Variants in GSG1L observed in about 807,000 individuals in gnomAD.
GSG1L encodes germ cell-specific gene 1-like protein.
A neutral mutation model predicts 42.1 loss-of-function variants in GSG1L; 24 were observed. The observed-to-expected ratio is 0.57, with a 90% CI of 0.41 to 0.80. The LOEUF is 0.80. Among genes scored for constraint, GSG1L ranks in the 30% least tolerant of loss-of-function variants. The pLI is 0.00. For missense variants in GSG1L, 445 were observed against 472.2 expected (o/e 0.94, Z 0.53); for synonymous variants, 215 against 203.5 (o/e 1.06, Z -0.48).
At chr16:28,001,358 C>T (rs143230577) in intron 1 of GSG1L, among the ~76,000 whole-genome samples, 1 of 152,324 alleles carries the variant, frequency 6.6e-6, no homozygotes, top group Admixed American at 6.5e-5. Flanking sequence ...TTGACAACAG[C>T]GTGTGCCCAC....
rs1461122057 is a variant in GSG1L at position 27,946,575 on chromosome 16, AAGAAAGAGAG to A, written c.397+16571_397+16580del. Among the ~76,000 whole-genome samples, 184 of 25,166 alleles carry A rather than the reference AAGAAAGAGAG, an allele frequency of 7.3e-3. 1 individual carries two copies. The highest frequency in any genetic ancestry group is 0.011 in the African/African-American group (86 of 8,024). 16.5% of individuals were successfully genotyped at this position (25,166 alleles called of 152,430 possible). A position where few individuals can be genotyped will look rare whatever the true frequency, so the allele number is the denominator to read the frequency against. On this transcript the variant is annotated intron_variant, in intron 2 of 6. Transcript: ENST00000447459. The stretch of plus-strand genomic sequence containing the variant: ...AAAGAAAGAAAGAAAGAAAGAAAGA[AAGAAAGAGAG>A]AGAGAGAGAGAGAGAGAGAGAGAGA...
At chr16:27,971,822 C>A (rs1464872130) in intron 1 of GSG1L, among the ~76,000 whole-genome samples, 1 of 152,118 alleles carries the variant, frequency 6.6e-6, no homozygotes, top group Non-Finnish European at 1.5e-5. Flanking sequence ...AAGTTCCCTT[C>A]TATTCCTACT....
chr16:28,057,190 G>C (rs1265827155), intron 1 of GSG1L, among the ~76,000 whole-genome samples: 2 of 152,150 alleles, frequency 1.3e-5, no homozygotes, highest in African/African-American at 4.8e-5. Flanking sequence ...GTCCGGAGTG[G>C]GGAACGGGGG....
chr16:27,970,526 C>G (rs1029969310), intron 1 of GSG1L, among the ~76,000 whole-genome samples: 1 of 151,578 alleles, frequency 6.6e-6, no homozygotes, highest in Non-Finnish European at 1.5e-5. Flanking sequence ...GAGCCAAGAC[C>G]ACGCCATTGC....
At chr16:27,956,617 A>G (rs192054716) in intron 2 of GSG1L, among the ~76,000 whole-genome samples, 21 of 152,290 alleles carry the variant, frequency 1.4e-4, no homozygotes, top group African/African-American at 4.8e-4. Flanking sequence ...AAGGTTTAAA[A>G]TGTGCTTGTG....
chr16:27,990,415 C>T (rs940031887), intron 1 of GSG1L, among the ~76,000 whole-genome samples: 5 of 152,096 alleles, frequency 3.3e-5, no homozygotes, highest in Admixed American at 2.0e-4. Flanking sequence ...TGCCACTGGA[C>T]ACATTGGAAA....
At chr16:27,913,952 C>A (rs1433382658) in intron 2 of GSG1L, among the ~76,000 whole-genome samples, 1 of 150,294 alleles carries the variant, frequency 6.7e-6, no homozygotes, top group Non-Finnish European at 1.5e-5. Context: ...TCACCACCAG[C>A]AATAACTGGT....
At chr16:27,951,131 C>T (rs1469522801) in intron 2 of GSG1L, among the ~76,000 whole-genome samples, 8 of 152,176 alleles carry the variant, frequency 5.3e-5, no homozygotes, top group Non-Finnish European at 8.8e-5. Flanking sequence ...CTCCTGAAAG[C>T]GAGGTTGCAG....
chr16:27,964,324 A>T (rs111268251), intron 1 of GSG1L, among the ~76,000 whole-genome samples: 17 of 41,340 alleles, frequency 4.1e-4, no homozygotes, highest in Admixed American at 3.5e-3. Context: ...ACTCTGTCTC[A>T]AAAAAAAAAA....
intron 2 of GSG1L, among the ~76,000 whole-genome samples, chr16:27,897,863 G>A (rs971327584): frequency 1.3e-5 from 2 of 152,192 alleles, no homozygotes; most frequent in Non-Finnish European, 2.9e-5. Flanking sequence ...AGGATTTTCT[G>A]GGCAACTTTA....
At chr16:27,855,719 CAAAAA>C (rs397686463) in intron 3 of GSG1L, among the ~76,000 whole-genome samples, 1 of 61,722 alleles carries the variant, frequency 1.6e-5, no homozygotes, top group Admixed American at 1.7e-4. Flanking sequence ...GACTCAGTCT[CAAAAA>C]AAAAAAAAAA....
rs1347412615 is a variant in GSG1L, at chr16:27,884,437, C to T, written c.550+49G>A. The T allele has an allele frequency of 1.3e-6, 2 of 1,563,370 alleles. No homozygotes were observed. Among genetic ancestry groups the T allele is most frequent in the African/African-American group, 2.7e-5 (2 of 74,024 alleles). ...ACCAGGGCTTACTCCAAGGGCAGCA[C>T]CCTTTCTCGCCTGTGCTCTGAGAGG... On this transcript the variant is annotated intron_variant, in intron 3 of 6. Transcript: ENST00000447459. The surrounding 1 kb of genome is among the most constrained non-coding windows in gnomAD (Gnocchi z 4.4).
chr16:27,948,986 T>C (rs935516855), intron 2 of GSG1L, among the ~76,000 whole-genome samples: 1 of 151,204 alleles, frequency 6.6e-6, no homozygotes, highest in African/African-American at 2.4e-5. Context: ...GGCTCAATCA[T>C]GGCTCACTAC....
chr16:27,931,175 C>T (rs148845893), intron 2 of GSG1L, among the ~76,000 whole-genome samples: 3 of 152,266 alleles, frequency 2.0e-5, no homozygotes, highest in East Asian at 1.9e-4. Flanking sequence ...TCGGGCTCTT[C>T]GTGGGGCCAA....
intron 2 of GSG1L, among the ~76,000 whole-genome samples, chr16:27,959,526 G>A (rs1232950303): frequency 6.8e-6 from 1 of 146,482 alleles, no homozygotes; most frequent in Non-Finnish European, 1.5e-5. Context: ...GGGAAGGGGA[G>A]GGGAGGGAAG....
At chr16:27,799,993 C>T (rs1317316487) in intron 6 of GSG1L, among the ~76,000 whole-genome samples, 5 of 152,094 alleles carry the variant, frequency 3.3e-5, no homozygotes, top group Admixed American at 1.3e-4. Context: ...CTGGGTCCCC[C>T]GCCAGACCTC....
chr16:28,009,750 G>A (rs946328696), intron 1 of GSG1L, among the ~76,000 whole-genome samples: 8 of 152,184 alleles, frequency 5.3e-5, no homozygotes, highest in Non-Finnish European at 1.0e-4. Flanking sequence ...CCCACAGTGG[G>A]TGACCCTGAG....
At chr16:27,918,191 G>A (rs553692201) in intron 2 of GSG1L, among the ~76,000 whole-genome samples, 1 of 152,166 alleles carries the variant, frequency 6.6e-6, no homozygotes, top group Non-Finnish European at 1.5e-5. Flanking sequence ...AGGGGAATGT[G>A]ATGCTTTGAC....
At chr16:27,837,482 C>T (rs1163887020) in intron 4 of GSG1L, among the ~76,000 whole-genome samples, 1 of 152,196 alleles carries the variant, frequency 6.6e-6, no homozygotes, top group Non-Finnish European at 1.5e-5. Flanking sequence ...TCTGCTGATA[C>T]CTGGCTGGGA....
Sources: allele counts gnomAD v4.1 joint callset (sites outside exome capture counted in the v4.1 genomes callset), GRCh38; gene constraint gnomAD v4.1.1; non-coding constraint Gnocchi (gnomAD v3.1); transcripts MANE v1.5; gene names NCBI Gene and HGNC (gene_info 2026-07-23, HGNC 2026-07-21).